Variants in CTNNA3 observed in about 807,000 individuals in gnomAD.
The protein encoded by CTNNA3 is catenin alpha-3.
In CTNNA3, 76 loss-of-function variants were observed where a neutral mutation model predicts 95.7. The observed-to-expected ratio is 0.79, with a 90% CI of 0.66 to 0.96. CTNNA3 has a LOEUF of 0.96. Among genes scored for constraint, CTNNA3 ranks in the 40% least tolerant of loss-of-function variants. The pLI, the probability that CTNNA3 is intolerant of heterozygous loss-of-function variation, is 0.00. For missense variants in CTNNA3, 1,191 were observed against 1,089.8 expected (o/e 1.09, Z -1.31); for synonymous variants, 431 against 374.4 (o/e 1.15, Z -1.74).
chr10:67,020,417 G>C (rs1206656962), intron 7 of CTNNA3, among the ~76,000 whole-genome samples: 1 of 152,126 alleles, frequency 6.6e-6, no homozygotes, highest in East Asian at 1.9e-4. Flanking sequence ...ATGGATGGCA[G>C]CAGGGATATT....
chr10:66,420,233 A>G (rs1293230860), intron 11 of CTNNA3, among the ~76,000 whole-genome samples: 1 of 152,188 alleles, frequency 6.6e-6, no homozygotes, highest in African/African-American at 2.4e-5. Flanking sequence ...ATTAATAGAT[A>G]ATTCCGAAAG....
chr10:66,992,543 T>C (rs1851097637), intron 7 of CTNNA3, among the ~76,000 whole-genome samples: 1 of 152,116 alleles, frequency 6.6e-6, no homozygotes, highest in Non-Finnish European at 1.5e-5. Flanking sequence ...TTTACTTTTT[T>C]TTTAATGGCA....
At chr10:67,647,688 T>C (rs550119907) in intron 1 of CTNNA3, among the ~76,000 whole-genome samples, 170 bp from the exon 2 acceptor site, 2 of 152,310 alleles carry the variant, frequency 1.3e-5, no homozygotes, top group South Asian at 4.1e-4. Context: ...AAAGAAGATA[T>C]TCCCCAACTG....
intron 5 of CTNNA3, among the ~76,000 whole-genome samples, chr10:67,492,179 G>A (rs924932886): frequency 6.6e-6 from 1 of 151,842 alleles, no homozygotes. Context: ...TTATGTTCTG[G>A]GCAATATCAA....
intron 13 of CTNNA3, among the ~76,000 whole-genome samples, chr10:66,122,979 A>G (rs2082647465): frequency 6.6e-6 from 1 of 152,156 alleles, no homozygotes; most frequent in South Asian, 2.1e-4. Flanking sequence ...GGTTGGGGAC[A>G]CAGCCAAACC....
intron 7 of CTNNA3, among the ~76,000 whole-genome samples, chr10:67,079,276 A>C (rs1409402728): frequency 6.6e-6 from 1 of 152,210 alleles, no homozygotes; most frequent in Non-Finnish European, 1.5e-5. Flanking sequence ...GGAATTTAAG[A>C]AACTATCATA....
At chr10:67,070,703 C>T (rs1247052808) in intron 7 of CTNNA3, among the ~76,000 whole-genome samples, 4 of 151,482 alleles carry the variant, frequency 2.6e-5, no homozygotes, top group Admixed American at 6.6e-5. Flanking sequence ...GCTGAGGTCA[C>T]GCCACTGCAC....
In CTNNA3 at chr10:67,208,378, C is replaced by CAAAAA. The variant is rs3056794; in HGVS notation, c.843+11224_843+11228dup. Among the ~76,000 whole-genome samples, 329 of 93,136 alleles carry CAAAAA rather than the reference C, an allele frequency of 3.5e-3. 1 individual carries two copies. The highest frequency in any genetic ancestry group is 0.014 in the South Asian group (34 of 2,460). The allele number at this position is 93,136 out of a possible 152,430, so 61.1% of individuals were successfully genotyped here. A position where few individuals can be genotyped will look rare whatever the true frequency, so the allele number is the denominator to read the frequency against. On this transcript the variant is annotated intron_variant, in intron 6 of 17. Transcript: ENST00000433211. ...TGGGTGACAGAGCAAGACTCTGTCT[C>CAAAAA]AAAAAAAAAAAAAAAAATAGCCACA...
chr10:67,152,654 G>A (rs532963357), intron 7 of CTNNA3, among the ~76,000 whole-genome samples: 1 of 152,200 alleles, frequency 6.6e-6, no homozygotes, highest in South Asian at 2.1e-4. Flanking sequence ...AATCTCTGTT[G>A]ATATAGGATA....
chr10:67,740,103 A>T (rs1841326875), intron 1 of CTNNA3, among the ~76,000 whole-genome samples: 2 of 152,230 alleles, frequency 1.3e-5, no homozygotes. Context: ...CTGGCTAGCC[A>T]TATGTAGAAA....
chr10:67,133,378 T>TATACACAC (rs1177119156), intron 7 of CTNNA3, among the ~76,000 whole-genome samples: 8 of 133,936 alleles, frequency 6.0e-5, no homozygotes, highest in Non-Finnish European at 9.5e-5. Context: ...TATATATATA[T>TATACACAC]ACACACACAC....
chr10:67,747,140 G>C (rs1428253124), intron 1 of CTNNA3, among the ~76,000 whole-genome samples: 1 of 152,232 alleles, frequency 6.6e-6, no homozygotes, highest in Non-Finnish European at 1.5e-5. Context: ...CCCTGGGCCT[G>C]AGCCCCTAGT....
intron 7 of CTNNA3, chr10:66,926,651 G>A: frequency 1.3e-6 from 2 of 1,556,952 alleles, no homozygotes; most frequent in South Asian, 1.1e-5. Context: ...TCTAGTGTGT[G>A]TAATAATTCT....
intron 9 of CTNNA3, among the ~76,000 whole-genome samples, chr10:66,635,097 T>C (rs1428990986): frequency 6.6e-6 from 1 of 152,136 alleles, no homozygotes; most frequent in Non-Finnish European, 1.5e-5. Flanking sequence ...TAAAACCAGC[T>C]AGATAGTTTA....
rs537960783 is a variant in CTNNA3, at chr10:66,162,950, G to A, written c.1885-59701C>T. Among the ~76,000 whole-genome samples, 17 of 152,052 alleles carry A rather than the reference G, an allele frequency of 1.1e-4. No individual in the cohort carries two copies. In the East Asian group the frequency reaches 2.9e-3, roughly 26 times the overall value. The stretch of plus-strand genomic sequence containing the variant: ...GGAGTTGTGTACCTAGGAGGATTAC[G>A]GCTGCCTCTGTTGAGTCATGCAGGT... On this transcript the variant is annotated intron_variant, in intron 13 of 17. Transcript: ENST00000433211.
chr10:66,513,736 T>C (rs1475885717), intron 11 of CTNNA3, among the ~76,000 whole-genome samples: 1 of 152,136 alleles, frequency 6.6e-6, no homozygotes, highest in Non-Finnish European at 1.5e-5. Context: ...GATGGCCCAA[T>C]TGCTGCAGGG....
rs555689090 is a variant in CTNNA3 at position 67,313,212 on chromosome 10, G to A, written c.580-93342C>T. On this transcript the variant is annotated intron_variant, in intron 5 of 17. Transcript: ENST00000433211. ...AGCACTTTGGGAGGCCAAGGCAGGC[G>A]GATCACGAGGTCAGGAGATCAAGAC... Among the ~76,000 whole-genome samples the A allele has an allele frequency of 2.6e-5, 4 of 151,982 alleles. No individual in the cohort carries two copies. The South Asian group carries it at 6.2e-4, about 24-fold the overall frequency.
At position 66,512,436 on chromosome 10, in the gene CTNNA3, T is replaced by C. The variant is rs534973850; in HGVS notation, c.1531+8181A>G. On this transcript the variant is annotated intron_variant, in intron 11 of 17. Coordinates refer to ENST00000433211, the MANE Select transcript of CTNNA3 (RefSeq NM_013266.4). Reference sequence around the variant, plus strand: ...TTAGTTGTTTTGTAATTGCTCTGTATAGCCTTAGTTCCTTTCTTCTTTTAT... The same window carrying C: ...TTAGTTGTTTTGTAATTGCTCTGTACAGCCTTAGTTCCTTTCTTCTTTTAT... Among the ~76,000 whole-genome samples, 16 of 152,214 alleles carry C rather than the reference T, an allele frequency of 1.1e-4. No homozygotes were observed. The East Asian group carries it at 3.1e-3, about 29-fold the overall frequency.
chr10:66,077,764 C>T (rs1470080698), intron 14 of CTNNA3, among the ~76,000 whole-genome samples: 1 of 151,744 alleles, frequency 6.6e-6, no homozygotes, highest in South Asian at 2.1e-4. Context: ...ATATCCTCAT[C>T]CTTTTGACAG....
Sources: gnomAD v4.1 joint callset for allele counts (sites outside exome capture counted in the v4.1 genomes callset) on GRCh38, gnomAD v4.1.1 for gene constraint, MANE v1.5 for transcripts, NCBI Gene and HGNC (gene_info 2026-07-23, HGNC 2026-07-21) for gene names.